Variants in ATRNL1 observed in about 807,000 individuals in gnomAD.
The protein encoded by ATRNL1 is attractin like 1, also known as attractin-like protein 1.
In ATRNL1, 95 loss-of-function variants were observed where a neutral mutation model predicts 182.7. The ratio of observed to expected loss-of-function variants is 0.52; its 90% CI spans 0.44 to 0.62. The LOEUF (loss-of-function observed/expected upper bound fraction) is 0.62. ATRNL1 is among the 20% of genes least tolerant of loss of function. The probability of loss-of-function intolerance (pLI) is 0.00; values close to 1 mark genes in which losing one functional copy is unlikely to be tolerated. For synonymous variants in ATRNL1, 576 were observed against 568.3 expected (o/e 1.01, Z -0.19); for missense variants, 1,471 against 1,679.5 (o/e 0.88, Z 2.17).
chr10:115,657,775 A>C (rs1177157422), intron 26 of ATRNL1, among the ~76,000 whole-genome samples: 1 of 152,070 alleles, frequency 6.6e-6, no homozygotes, highest in Non-Finnish European at 1.5e-5. Context: ...CCAATTAAGA[A>C]TCTTTGCTTT....
intron 25 of ATRNL1, among the ~76,000 whole-genome samples, chr10:115,543,046 A>G (rs1554992501): frequency 2.0e-5 from 3 of 152,196 alleles, no homozygotes; most frequent in Non-Finnish European, 4.4e-5. Context: ...GCTTTAACAT[A>G]TGAATTTGAG....
At chr10:115,431,295 T>C (rs1282536520) in intron 21 of ATRNL1, among the ~76,000 whole-genome samples, 3 of 151,014 alleles carry the variant, frequency 2.0e-5, no homozygotes, top group Non-Finnish European at 4.4e-5. Flanking sequence ...ATCCCAGCTA[T>C]GTGGGAGGCT....
chr10:115,590,091 C>T (rs539671652), intron 26 of ATRNL1, among the ~76,000 whole-genome samples: 1 of 152,282 alleles, frequency 6.6e-6, no homozygotes, highest in East Asian at 1.9e-4. Flanking sequence ...ATTGACTCCT[C>T]CAGCCTTAAG....
intron 28 of ATRNL1, among the ~76,000 whole-genome samples, chr10:115,911,865 A>G (rs1952688386): frequency 6.6e-6 from 1 of 152,120 alleles, no homozygotes; most frequent in Admixed American, 6.6e-5. Flanking sequence ...TTTCCCATGC[A>G]CCATCCCGTG....
rs1953848816 is a variant in ATRNL1 at position 115,945,179 on chromosome 10, T to C, written c.*400T>C. 1 of 154,134 alleles carries C rather than the reference T, an allele frequency of 6.5e-6. No individual in the cohort carries two copies. The highest frequency in any genetic ancestry group is 1.4e-5 in the Non-Finnish European group (1 of 69,388). 9.5% of individuals were successfully genotyped at this position (154,134 alleles called of 1,614,324 possible). A position where few individuals can be genotyped will look rare whatever the true frequency, so the allele number is the denominator to read the frequency against. On this transcript the variant is annotated 3_prime_UTR_variant, in exon 29 of 29. Transcript: ENST00000355044. Reference sequence around the variant, plus strand: ...TACAGTTTTTGCCTCATAAGCAAACTTGAATCACCTGTGTATGAACAGGGA... The same window carrying C: ...TACAGTTTTTGCCTCATAAGCAAACCTGAATCACCTGTGTATGAACAGGGA...
intron 24 of ATRNL1, among the ~76,000 whole-genome samples, chr10:115,502,474 T>A (rs914553795): frequency 1.3e-5 from 2 of 152,118 alleles, no homozygotes; most frequent in African/African-American, 4.8e-5. Context: ...AAAACCCTTA[T>A]TTTTTGAGAG....
intron 26 of ATRNL1, among the ~76,000 whole-genome samples, chr10:115,629,885 G>A (rs146569626): frequency 1.3e-3 from 196 of 152,238 alleles, no homozygotes; most frequent in African/African-American, 4.5e-3. Flanking sequence ...TGGTATTTGA[G>A]TTGAATGTTG....
intron 28 of ATRNL1, among the ~76,000 whole-genome samples, chr10:115,944,001 A>G (rs575875812): frequency 6.6e-6 from 1 of 152,228 alleles, no homozygotes; most frequent in East Asian, 1.9e-4. Context: ...CAGAGACATT[A>G]AAGAAAGATC....
intron 18 of ATRNL1, among the ~76,000 whole-genome samples, chr10:115,324,093 G>T (rs1854742373): frequency 6.6e-6 from 1 of 152,020 alleles, no homozygotes; most frequent in Admixed American, 6.6e-5. Flanking sequence ...TATCTTTTAT[G>T]TGTATTCTTT....
chr10:115,434,376 G>T (rs1448631425), intron 21 of ATRNL1, among the ~76,000 whole-genome samples: 5 of 152,092 alleles, frequency 3.3e-5, no homozygotes, highest in African/African-American at 1.2e-4. Context: ...ACTCAAATGG[G>T]AAGGGTATGC....
intron 27 of ATRNL1, among the ~76,000 whole-genome samples, chr10:115,823,421 T>C (rs544191749): frequency 5.9e-5 from 9 of 152,318 alleles, no homozygotes; most frequent in African/African-American, 2.2e-4. Flanking sequence ...TTGGAAGTTC[T>C]GGCCAGGGCA....
chr10:115,318,324 C>G (rs76144501), intron 18 of ATRNL1, among the ~76,000 whole-genome samples: 6,198 of 152,202 alleles, frequency 0.041, 440 homozygotes, highest in African/African-American at 0.14. Context: ...CATCGATATT[C>G]ATCAGGGAAA....
chr10:115,363,319 T>C (rs2134164620), intron 19 of ATRNL1, among the ~76,000 whole-genome samples: 1 of 150,574 alleles, frequency 6.6e-6, no homozygotes. Context: ...ATGTCTTCTT[T>C]TGAGAAGTGT....
chr10:115,899,587 C>T (rs990796261), intron 28 of ATRNL1, among the ~76,000 whole-genome samples: 10 of 152,082 alleles, frequency 6.6e-5, no homozygotes, highest in African/African-American at 2.2e-4. Context: ...GGATTACAGG[C>T]CTGAACCACT....
chr10:115,212,152 C>G (rs1157823535), intron 8 of ATRNL1, among the ~76,000 whole-genome samples: 2 of 151,714 alleles, frequency 1.3e-5, no homozygotes, highest in African/African-American at 4.8e-5. Flanking sequence ...GCTCAGTACC[C>G]AATAGTTATT....
At chr10:115,449,811 C>T (rs1457521848) in intron 21 of ATRNL1, among the ~76,000 whole-genome samples, 2 of 152,182 alleles carry the variant, frequency 1.3e-5, no homozygotes, top group African/African-American at 2.4e-5. Flanking sequence ...CCAGCATCAT[C>T]CTCATACCAA....
At chr10:115,439,525 A>G (rs115758282) in intron 21 of ATRNL1, among the ~76,000 whole-genome samples, 1,942 of 152,040 alleles carry the variant, frequency 0.013, 36 homozygotes, top group African/African-American at 0.043. Context: ...GCTAAATTGT[A>G]CTAGTTTTCC....
chr10:115,680,465 T>A (rs1555044341), intron 26 of ATRNL1, among the ~76,000 whole-genome samples: 11 of 152,148 alleles, frequency 7.2e-5, no homozygotes. Context: ...CCCTGCCTAA[T>A]TTCAAGATGC....
At chr10:115,623,905 A>G (rs1415782065) in intron 26 of ATRNL1, among the ~76,000 whole-genome samples, 7 of 152,272 alleles carry the variant, frequency 4.6e-5, no homozygotes, top group African/African-American at 1.7e-4. Flanking sequence ...TATTAGTCAC[A>G]GTAGGTACAG....
Sources: gnomAD v4.1 joint callset for allele counts (sites outside exome capture counted in the v4.1 genomes callset) on GRCh38, gnomAD v4.1.1 for gene constraint, MANE v1.5 for transcripts, NCBI Gene and HGNC (gene_info 2026-07-23, HGNC 2026-07-21) for gene names.